The following RIMS1 variants were observed in gnomAD, a reference collection of about 807,000 sequenced individuals.
The protein encoded by RIMS1 is regulating synaptic membrane exocytosis protein 1.
A neutral mutation model predicts 214.1 loss-of-function variants in RIMS1; 83 were observed. The ratio of observed to expected loss-of-function variants is 0.39; its 90% CI spans 0.32 to 0.47. The LOEUF is 0.47. Among genes scored for constraint, RIMS1 ranks in the 20% least tolerant of loss-of-function variants. The pLI, the probability that RIMS1 is intolerant of heterozygous loss-of-function variation, is 0.99. For missense variants in RIMS1, 2,050 were observed against 2,161.8 expected (o/e 0.95, Z 1.03); for synonymous variants, 793 against 786.8 (o/e 1.01, Z -0.13).
At chr6:72,263,566 A>G in intron 19 of RIMS1, 1 of 985,376 alleles carries the variant, frequency 1.0e-6, no homozygotes, top group Non-Finnish European at 1.2e-6. Context: ...TGAAAAAAAA[A>G]TCACTTTTGA....
At chr6:72,224,206 C>T (rs1347574239) in intron 6 of RIMS1, among the ~76,000 whole-genome samples, 1 of 152,086 alleles carries the variant, frequency 6.6e-6, no homozygotes, top group Non-Finnish European at 1.5e-5. Flanking sequence ...TAGTGTGTTC[C>T]AGGTGCATGG....
At chr6:71,935,354 A>G (rs905013275) in intron 1 of RIMS1, among the ~76,000 whole-genome samples, 2 of 152,228 alleles carry the variant, frequency 1.3e-5, no homozygotes, top group Admixed American at 6.5e-5. Flanking sequence ...AATTAATAGT[A>G]TGTCAGACAC....
chr6:71,939,205 G>A (rs1213129950), intron 1 of RIMS1, among the ~76,000 whole-genome samples: 4 of 152,230 alleles, frequency 2.6e-5, no homozygotes, highest in East Asian at 1.9e-4. Flanking sequence ...TACCATCTGC[G>A]ATGTCATAAG....
Position 71,891,149 on chromosome 6 carries a change from T to C in RIMS1, c.164+3962T>C, listed in dbSNP as rs950995347. On this transcript the variant is annotated intron_variant, in intron 1 of 33. Transcript: ENST00000521978. ...CTGGGGCTTCACCTATACTCTTTCA[T>C]AGAGTGTTAGAAGGTAATAAAAAGC... Among the ~76,000 whole-genome samples the C allele has an allele frequency of 5.7e-4, 86 of 151,620 alleles. 1 individual carries two copies. Among genetic ancestry groups the C allele is most frequent in the Non-Finnish European group, 1.0e-3 (71 of 67,870 alleles).
intron 2 of RIMS1, among the ~76,000 whole-genome samples, chr6:72,006,693 G>A (rs549326): frequency 0.15 from 23,417 of 152,236 alleles, 2,262 homozygotes; most frequent in South Asian, 0.21. Context: ...TGCCTGGCTC[G>A]GAGGGTCCTA....
At chr6:71,951,510 G>A (rs541064955) in intron 1 of RIMS1, among the ~76,000 whole-genome samples, 40 of 128,810 alleles carry the variant, frequency 3.1e-4, no homozygotes, top group Non-Finnish European at 4.1e-4. Flanking sequence ...GTGTGTGTGT[G>A]ACAGAGTCTC....
rs774768233 is a variant in RIMS1, at chr6:72,182,816, C to T, written c.1345C>T (p.Pro449Ser). The T allele has an allele frequency of 2.8e-5, 43 of 1,549,144 alleles. No individual in the cohort carries two copies. The highest frequency in any genetic ancestry group is 3.6e-5 in the Non-Finnish European group (41 of 1,150,018). The change falls in exon 6 of 34, where the codon CCG (proline) becomes TCG (serine). Residue 449 changes from proline (P) to serine (S), a missense_variant. Transcript: ENST00000521978. ...PGAKQLTNHS[P>S]PAPRHGPVPA... ...CGCCAAGCAGCTAACGAACCACAGCCCGCCGGCGCCCAGACATGGGCCGGT... is the reference window on the plus strand; with the variant it reads ...CGCCAAGCAGCTAACGAACCACAGCTCGCCGGCGCCCAGACATGGGCCGGT...
At chr6:72,352,765 A>G (rs1025645572) in intron 29 of RIMS1, among the ~76,000 whole-genome samples, 3 of 152,122 alleles carry the variant, frequency 2.0e-5, no homozygotes, top group Admixed American at 2.0e-4. Context: ...AGCATCACAC[A>G]TCATTCCTAT....
intron 27 of RIMS1, among the ~76,000 whole-genome samples, chr6:72,307,644 G>T (rs2095288581): frequency 6.6e-6 from 1 of 152,098 alleles, no homozygotes; most frequent in South Asian, 2.1e-4. Context: ...CTACTTGGGA[G>T]GCTGAGGTAG....
Position 72,248,089 on chromosome 6 carries a change from C to G in RIMS1, c.2203C>G (p.Leu735Val), listed in dbSNP as rs1204801352. 1 of 1,612,898 alleles carries G rather than the reference C, an allele frequency of 6.2e-7. No homozygotes were observed. The change falls in exon 12 of 34, where the codon CTA becomes GTA. Residue 735 changes from leucine (L) to valine (V), a missense_variant. Leu to Val is a conservative substitution (Grantham distance 32). Coordinates refer to ENST00000521978, the MANE Select transcript of RIMS1 (RefSeq NM_014989.7). The stretch of plus-strand genomic sequence containing the variant: ...TATTTCTCCAACAAGTCCTGGAGCT[C>G]TAAAAGATGCCCCACAAGTCTTACC... ...SVISPTSPGA[L>V]KDAPQVLPGQ...
intron 4 of RIMS1, among the ~76,000 whole-genome samples, chr6:72,110,901 A>C (rs2035943634): frequency 6.6e-6 from 1 of 152,190 alleles, no homozygotes; most frequent in Admixed American, 6.6e-5. Flanking sequence ...TTCAGTTTTT[A>C]GTGAAGAGTA....
At chr6:72,212,918 C>T (rs2054077814) in intron 6 of RIMS1, 1 of 1,352,200 alleles carries the variant, frequency 7.4e-7, no homozygotes, top group African/African-American at 1.5e-5. Flanking sequence ...TGACCTGAGT[C>T]AGTCATGCAA....
chr6:72,233,795 G>T lies in RIMS1; in HGVS notation c.1701G>T (p.Leu567Phe), dbSNP rs1336937885. 1 of 1,578,814 alleles carries T rather than the reference G, an allele frequency of 6.3e-7. No homozygotes were observed. The change falls in exon 7 of 34, where the codon TTG (leucine) becomes TTT (phenylalanine). Residue 567 changes from leucine (L) to phenylalanine (F), a missense_variant. Physicochemically the swap from Leu to Phe is conservative, Grantham distance 22 (BLOSUM62 0). Around this residue, in one of 6 missense-constraint regions of RIMS1, gnomAD observed 882 missense variants for 828.9 expected, o/e 1.06. Coordinates refer to ENST00000521978, the MANE Select transcript of RIMS1 (RefSeq NM_014989.7). The part of the protein sequence containing the change: ...SEKGDLDYYW[L>F]DPATWHSRET... ...CAGGTGATTTGGATTATTACTGGTT[G>T]GATCCTGCCACGTGGCACAGCCGGG... is the stretch of plus-strand genomic sequence containing the variant.
chr6:72,119,167 C>T (rs558365264), intron 4 of RIMS1, among the ~76,000 whole-genome samples: 1 of 151,734 alleles, frequency 6.6e-6, no homozygotes, highest in Non-Finnish European at 1.5e-5. Flanking sequence ...AGTGACACTG[C>T]TACACACCAA....
Position 72,217,235 on chromosome 6 carries a change from C to G in RIMS1, c.1679-16538C>G, listed in dbSNP as rs1649945138. The G allele has an allele frequency of 3.3e-6, 5 of 1,535,356 alleles. No homozygotes were observed. In the South Asian group the frequency reaches 4.8e-5, roughly 15 times the overall value. ...TTTCTACTACTTCATACATTGCACT[C>G]AGGAACAGGTAAACTAAATTATATT... On this transcript the variant is annotated intron_variant, in intron 6 of 33. Transcript: ENST00000521978.
At chr6:72,246,912 A>G (rs1283470944) in intron 11 of RIMS1, among the ~76,000 whole-genome samples, 2 of 152,242 alleles carry the variant, frequency 1.3e-5, no homozygotes, top group Non-Finnish European at 2.9e-5. Flanking sequence ...TAACAATTTT[A>G]TATAGCTGTT....
chr6:72,375,644 A>G (rs1650994325), intron 29 of RIMS1, among the ~76,000 whole-genome samples: 1 of 152,110 alleles, frequency 6.6e-6, no homozygotes, highest in African/African-American at 2.4e-5. Flanking sequence ...TTCACAGTTG[A>G]ATTTGCTTTT....
chr6:71,990,834 A>G (rs1003289268), intron 2 of RIMS1, among the ~76,000 whole-genome samples: 2 of 151,938 alleles, frequency 1.3e-5, no homozygotes, highest in Admixed American at 6.6e-5. Context: ...CATGCAGGAC[A>G]TGGTTGAGAC....
intron 6 of RIMS1, among the ~76,000 whole-genome samples, chr6:72,203,807 G>T (rs2153996905): frequency 6.6e-6 from 1 of 152,208 alleles, no homozygotes; most frequent in South Asian, 2.1e-4. Flanking sequence ...TAGTATTCAG[G>T]TCCCAAGCCC....
Sources: allele counts gnomAD v4.1 joint callset (sites outside exome capture counted in the v4.1 genomes callset), GRCh38; gene constraint gnomAD v4.1.1; regional missense constraint gnomAD v4.1.1; transcripts MANE v1.5; gene names NCBI Gene and HGNC (gene_info 2026-07-23, HGNC 2026-07-21).